BABAM2: variants seen among roughly 807,000 people sequenced by gnomAD.
BABAM2 encodes the protein BRISC and BRCA1-A complex member 2.
Under a neutral mutation model 54.7 loss-of-function variants are expected in BABAM2, and 31 were observed. The ratio of observed to expected loss-of-function variants is 0.57; its 90% confidence interval spans 0.43 to 0.77. The LOEUF (loss-of-function observed/expected upper bound fraction) is 0.77. Among genes scored for constraint, BABAM2 ranks in the 30% least tolerant of loss-of-function variants. The probability of loss-of-function intolerance (pLI) is 0.00; values close to 1 mark genes in which losing one functional copy is unlikely to be tolerated. For synonymous variants in BABAM2, 167 were observed against 162.9 expected, an observed-to-expected ratio of 1.03 and a Z score of -0.19; for missense variants, 364 against 455.8, an observed-to-expected ratio of 0.80 and a Z score of 1.83.
chr2:28,027,889 G>A (rs1383954921), intron 5 of BABAM2, among the ~76,000 whole-genome samples: 4 of 151,860 alleles, frequency 2.6e-5, no homozygotes, highest in African/African-American at 9.7e-5. Context: ...TGGTTTTTTT[G>A]CATTTCCTTT....
At chr2:28,231,603 C>T (rs1049668442) in intron 7 of BABAM2, among the ~76,000 whole-genome samples, 15 of 152,136 alleles carry the variant, frequency 9.9e-5, no homozygotes, top group East Asian at 3.9e-4. Flanking sequence ...CCCTCAGAAC[C>T]CAATTCAGGG....
chr2:27,896,774 G>A (rs138152538), intron 2 of BABAM2: 163 of 236,946 alleles, frequency 6.9e-4, no homozygotes, highest in Admixed American at 1.3e-3. Context: ...TGGGCCAGCA[G>A]CTTGTGCCCA....
At chr2:27,947,329 G>A (rs572007082) in intron 3 of BABAM2, among the ~76,000 whole-genome samples, 19 of 151,864 alleles carry the variant, frequency 1.3e-4, no homozygotes, top group African/African-American at 4.3e-4. Flanking sequence ...TTCCCCCATG[G>A]CTGTTCTAGT....
chr2:28,070,566 T>TTTTTTTTA, intron 6 of BABAM2, among the ~76,000 whole-genome samples: 1 of 151,622 alleles, frequency 6.6e-6, no homozygotes, highest in African/African-American at 2.4e-5. Context: ...CTTTTTTTTT[T>TTTTTTTTA]TGAGACGGAG....
intron 2 of BABAM2, among the ~76,000 whole-genome samples, chr2:27,901,707 T>C (rs567892858): frequency 5.1e-4 from 78 of 152,346 alleles, no homozygotes; most frequent in African/African-American, 1.7e-3. Flanking sequence ...AATTTTTGTC[T>C]ATGGCCATAC....
chr2:28,160,092 C>G (rs1279200436), intron 7 of BABAM2, among the ~76,000 whole-genome samples: 2 of 152,114 alleles, frequency 1.3e-5, no homozygotes, highest in Non-Finnish European at 2.9e-5. Context: ...AGTGATCCTC[C>G]TCCATGAGCC....
At chr2:28,104,663 AT>A (rs1181597299) in intron 6 of BABAM2, among the ~76,000 whole-genome samples, 1 of 151,646 alleles carries the variant, frequency 6.6e-6, no homozygotes, top group Non-Finnish European at 1.5e-5. Flanking sequence ...TAGAAATACC[AT>A]TTGACCCAGC....
At position 28,237,213 on chromosome 2, in the gene BABAM2, G is replaced by T. The variant is rs749414268; in HGVS notation, c.692G>T (p.Gly231Val). 1.2e-6 allele frequency: 2 copies of T among 1,613,648 alleles called. No individual in the cohort carries two copies. The highest frequency in any genetic ancestry group is 1.7e-6 in the Non-Finnish European group (2 of 1,179,676). Reference protein sequence around the residue: ...LSPRIEHALGGSSALHIPAFP... With the variant: ...LSPRIEHALGVSSALHIPAFP... ...TCTTGTCCTTTCAGTGCACTTGGAGGCTCCTCAGCTCTTCATATCCCAGCT... is the reference window on the plus strand; with the variant it reads ...TCTTGTCCTTTCAGTGCACTTGGAGTCTCCTCAGCTCTTCATATCCCAGCT... Residue 231 changes from glycine (G) to valine (V), a missense_variant, in exon 8 of 12, where the codon GGC becomes GTC. By Grantham distance (109) the Gly-to-Val change is moderately radical. Coordinates refer to ENST00000379624, the MANE Select transcript of BABAM2 (RefSeq NM_199191.3).
intron 4 of BABAM2, among the ~76,000 whole-genome samples, chr2:28,001,624 G>A (rs1376830652): frequency 6.6e-6 from 1 of 152,186 alleles, no homozygotes; most frequent in Non-Finnish European, 1.5e-5. Flanking sequence ...TGGGCTCACA[G>A]TTCTGCAGGC....
chr2:28,308,493 G>T (rs1437361769), intron 11 of BABAM2: 6 of 527,600 alleles, frequency 1.1e-5, no homozygotes, highest in African/African-American at 1.9e-5. Flanking sequence ...GATCAAACAG[G>T]CTGTGAAGAA....
At chr2:28,242,327 C>T (rs1484897116) in intron 9 of BABAM2, among the ~76,000 whole-genome samples, 1 of 152,192 alleles carries the variant, frequency 6.6e-6, no homozygotes, top group Admixed American at 6.5e-5. Context: ...ACACCATGGG[C>T]GCCTCTGGCT....
At chr2:28,133,122 GTAAACTTGGGGTA>G (rs1320421469) in intron 7 of BABAM2, among the ~76,000 whole-genome samples, 1 of 152,212 alleles carries the variant, frequency 6.6e-6, no homozygotes, top group Non-Finnish European at 1.5e-5. Flanking sequence ...CATAAAAGAA[GTAAACTTGGGGTA>G]TGACTTCTAT....
intron 10 of BABAM2, among the ~76,000 whole-genome samples, chr2:28,254,328 T>G (rs1683765417): frequency 6.6e-6 from 1 of 152,048 alleles, no homozygotes; most frequent in Admixed American, 6.6e-5. Context: ...GTAGATACGG[T>G]GTTTGACTAT....
chr2:27,959,342 T>A (rs564391982), intron 3 of BABAM2, among the ~76,000 whole-genome samples: 1 of 152,300 alleles, frequency 6.6e-6, no homozygotes, highest in South Asian at 2.1e-4. Flanking sequence ...TTAATTAATG[T>A]TTCATGAAGA....
intron 6 of BABAM2, among the ~76,000 whole-genome samples, chr2:28,121,218 C>T (rs1669039270): frequency 2.0e-5 from 3 of 152,160 alleles, no homozygotes; most frequent in Non-Finnish European, 4.4e-5. Flanking sequence ...GTTTATTGCC[C>T]TTCCTCATCT....
At chr2:28,055,264 G>C (rs1678311057) in intron 6 of BABAM2, among the ~76,000 whole-genome samples, 1 of 152,172 alleles carries the variant, frequency 6.6e-6, no homozygotes, top group African/African-American at 2.4e-5. Context: ...GCCTACCCTA[G>C]GGTGGAGGGT....
chr2:28,279,883 C>T (rs1280625167), intron 10 of BABAM2, among the ~76,000 whole-genome samples: 2 of 151,918 alleles, frequency 1.3e-5, no homozygotes. Flanking sequence ...TTAGGCTGAT[C>T]CGAAGCTCCT....
intron 4 of BABAM2, chr2:28,016,211 C>CT (rs1464920327): frequency 2.9e-6 from 3 of 1,031,112 alleles, no homozygotes; most frequent in African/African-American, 3.2e-5. Context: ...CTTTCTCTGT[C>CT]TTTTTTTGGA....
intron 5 of BABAM2, 73 bp downstream of exon 5, chr2:28,025,493 T>G: frequency 1.5e-6 from 2 of 1,359,072 alleles, no homozygotes; most frequent in East Asian, 2.5e-5. Flanking sequence ...TGTCCATTTG[T>G]AAATCCTAGT....
Sources: gnomAD v4.1 joint callset for allele counts (sites outside exome capture counted in the v4.1 genomes callset) on GRCh38, gnomAD v4.1.1 for gene constraint, MANE v1.5 for transcripts, NCBI Gene and HGNC (gene_info 2026-07-23, HGNC 2026-07-21) for gene names.